GCA: variants seen among roughly 807,000 people sequenced by gnomAD.
GCA encodes the protein grancalcin.
A neutral mutation model predicts 32.6 loss-of-function variants in GCA; 30 were observed. The ratio of observed to expected loss-of-function variants is 0.92; its 90% CI spans 0.69 to 1.25. The LOEUF is 1.25. Ranked by LOEUF, GCA falls within the 50% of genes most tolerant of loss-of-function variation. The probability of loss-of-function intolerance (pLI) is 0.00; values close to 1 mark genes in which losing one functional copy is unlikely to be tolerated. For missense variants in GCA, 291 were observed against 266.8 expected (o/e 1.09, Z -0.63); for synonymous variants, 102 against 84.6 (o/e 1.21, Z -1.13).
At chr2:162,327,932 A>G (rs1441770229) in intron 1 of GCA, among the ~76,000 whole-genome samples, 1 of 152,218 alleles carries the variant, frequency 6.6e-6, no homozygotes, top group Non-Finnish European at 1.5e-5. Context: ...TGTAATTCCA[A>G]TGAGAGGGGA....
Position 162,356,858 on chromosome 2 carries a change from G to C in GCA, c.407G>C (p.Ser136Thr). 2 of 1,610,328 alleles carry C rather than the reference G, an allele frequency of 1.2e-6. No individual in the cohort carries two copies. Among genetic ancestry groups the C allele is most frequent in the Non-Finnish European group, 1.7e-6 (2 of 1,177,298 alleles). ...ENFMTVDQDG[S>T]GTVEHHELRQ... ...TTCATGACTGTTGATCAAGATGGAA[G>C]TGGCACAGTAGAACATCATGAGTTG... The change falls in exon 5 of 8, where the codon AGT becomes ACT. Residue 136 changes from serine to threonine, a missense_variant. Physicochemically the swap from Ser to Thr is moderately conservative, Grantham distance 58. Coordinates refer to ENST00000437150, the MANE Select transcript of GCA (RefSeq NM_012198.5).
downstream of GCA, among the ~76,000 whole-genome samples, chr2:162,363,313 G>A (rs1685653821): frequency 6.6e-6 from 1 of 151,374 alleles, no homozygotes; most frequent in Non-Finnish European, 1.5e-5. Context: ...AACCATGGGT[G>A]TTTTATTACT....
At chr2:162,353,238 G>A (rs1366828239) in intron 3 of GCA, among the ~76,000 whole-genome samples, 1 of 152,170 alleles carries the variant, frequency 6.6e-6, no homozygotes, top group African/African-American at 2.4e-5. Context: ...GGGAGGCTGA[G>A]GTGGGCGAAT....
intron 1 of GCA, 89 bp downstream of exon 1, chr2:162,344,364 T>G: frequency 1.6e-6 from 2 of 1,279,626 alleles, no homozygotes; most frequent in African/African-American, 1.5e-5. Context: ...CGCCCTTGGC[T>G]CCTGCTCCCT....
intron 1 of GCA, among the ~76,000 whole-genome samples, chr2:162,347,264 T>G (rs1558894721): frequency 6.6e-6 from 1 of 152,334 alleles, no homozygotes; most frequent in East Asian, 1.9e-4. Flanking sequence ...TGTTTTACTT[T>G]TTGTTTACTT....
Position 162,361,544 on chromosome 2 carries a change from C to G in GCA, c.*1301C>G. On this transcript the variant is annotated 3_prime_UTR_variant, in exon 8 of 8. Transcript: ENST00000437150. ...ATGGATGGAGGATAGATGGCAATAT[C>G]TTGAACAAAATCTTTTATAAACTTA... The G allele has an allele frequency of 1.0e-6, 1 of 981,352 alleles. No homozygotes were observed. The allele number at this position is 981,352 out of a possible 1,614,324, so 60.8% of individuals were successfully genotyped here.
chr2:162,319,101 T>C, exon 1 of GCA: 1 of 454,308 alleles, frequency 2.2e-6, no homozygotes, highest in Admixed American at 2.4e-5. Context: ...GAGGGACAGG[T>C]GAGAGATGAA....
intron 1 of GCA, among the ~76,000 whole-genome samples, chr2:162,338,575 A>T (rs1309019216): frequency 6.6e-6 from 1 of 152,180 alleles, no homozygotes; most frequent in Non-Finnish European, 1.5e-5. Flanking sequence ...AACATAACAG[A>T]ATTTAACTGA....
chr2:162,356,707 A>G, intron 4 of GCA, 51 bp from the exon 5 acceptor site: 1 of 1,370,730 alleles, frequency 7.3e-7, no homozygotes, highest in East Asian at 2.3e-5. Context: ...AATGATTTAG[A>G]GTCAGATAAA....
At chr2:162,359,626 C>T (rs1249435002) in intron 7 of GCA, 74 bp downstream of exon 7, 5 of 681,856 alleles carry the variant, frequency 7.3e-6, no homozygotes, top group Admixed American at 2.4e-5. Flanking sequence ...TAAGTGATCC[C>T]AAGTACCAGT....
At chr2:162,348,267 A>G (rs1684810647) in intron 2 of GCA, among the ~76,000 whole-genome samples, 1 of 152,164 alleles carries the variant, frequency 6.6e-6, no homozygotes, top group Non-Finnish European at 1.5e-5. Context: ...GAAAGTAGGA[A>G]GCACTTTAAA....
intron 1 of GCA, among the ~76,000 whole-genome samples, chr2:162,338,315 G>C (rs1684337604): frequency 6.6e-6 from 1 of 152,072 alleles, no homozygotes; most frequent in African/African-American, 2.4e-5. Context: ...GCTTTTAGTT[G>C]GCCAAGAATA....
chr2:162,353,214 A>G (rs978628629), intron 3 of GCA, among the ~76,000 whole-genome samples: 2 of 152,164 alleles, frequency 1.3e-5, no homozygotes, highest in African/African-American at 4.8e-5. Context: ...TCATGCCTGC[A>G]ATCCCAGCAC....
chr2:162,373,045 AC>A (rs1245647674), downstream of GCA, among the ~76,000 whole-genome samples: 2 of 151,512 alleles, frequency 1.3e-5, no homozygotes, highest in Admixed American at 1.3e-4. Flanking sequence ...CCTTCCTGAG[AC>A]CTCTCCCAGC....
chr2:162,323,862 T>C (rs1683775814), intron 1 of GCA, among the ~76,000 whole-genome samples: 1 of 151,880 alleles, frequency 6.6e-6, no homozygotes, highest in Non-Finnish European at 1.5e-5. Context: ...AGCTTTGTTC[T>C]TTTGGCTTAG....
chr2:162,323,193 G>A (rs1188592456), intron 1 of GCA, among the ~76,000 whole-genome samples: 1 of 151,828 alleles, frequency 6.6e-6, no homozygotes, highest in Non-Finnish European at 1.5e-5. Context: ...TTTTTTGGCT[G>A]CATAAATGTC....
chr2:162,368,294 CAT>C (rs1685819753), intron 4 of GCA, among the ~76,000 whole-genome samples: 6 of 151,664 alleles, frequency 4.0e-5, no homozygotes, highest in South Asian at 4.1e-4. Flanking sequence ...TTTTTGATAA[CAT>C]AAAAATTTTG....
chr2:162,332,842 G>A (rs1399759188), intron 1 of GCA, among the ~76,000 whole-genome samples: 1 of 152,090 alleles, frequency 6.6e-6, no homozygotes, highest in Non-Finnish European at 1.5e-5. Context: ...AAGATTTAAT[G>A]TGACTTAGTG....
chr2:162,319,257 GT>G (rs1253546771), intron 1 of GCA: 1 of 456,848 alleles, frequency 2.2e-6, no homozygotes, highest in African/African-American at 2.0e-5. Flanking sequence ...ACAATAAACA[GT>G]TAACTTTACT....
Sources: allele counts gnomAD v4.1 joint callset (sites outside exome capture counted in the v4.1 genomes callset), GRCh38; gene constraint gnomAD v4.1.1; transcripts MANE v1.5; gene names NCBI Gene and HGNC (gene_info 2026-07-23, HGNC 2026-07-21).